Variants in COMMD1 observed in about 807,000 individuals in gnomAD.
COMMD1 encodes COMM domain-containing protein 1.
COMMD1 carries 10 observed loss-of-function variants against 17.2 expected under a neutral mutation model. The ratio of observed to expected loss-of-function variants is 0.58; its 90% CI spans 0.36 to 0.99. COMMD1 has a LOEUF of 0.99. Among genes scored for constraint, COMMD1 ranks in the 50% least tolerant of loss-of-function variants. COMMD1 has a pLI of 0.01. For missense variants in COMMD1, 270 were observed against 231.8 expected (o/e 1.17, Z -1.07); for synonymous variants, 97 against 91.6 (o/e 1.06, Z -0.34).
intron 2 of COMMD1, among the ~76,000 whole-genome samples, chr2:62,085,868 C>T (rs534720975): frequency 6.6e-6 from 1 of 152,228 alleles, no homozygotes; most frequent in South Asian, 2.1e-4. Flanking sequence ...GTCCCAGCTA[C>T]TCAGGACGCT....
intron 2 of COMMD1, among the ~76,000 whole-genome samples, chr2:62,012,648 G>A (rs1669318475): frequency 1.3e-5 from 2 of 152,038 alleles, no homozygotes; most frequent in African/African-American, 4.8e-5. Flanking sequence ...CAAGTCCCTA[G>A]TGATTGCCAT....
At chr2:62,016,262 G>T (rs530359494) in intron 2 of COMMD1, among the ~76,000 whole-genome samples, 1 of 132,952 alleles carries the variant, frequency 7.5e-6, no homozygotes, top group Non-Finnish European at 1.5e-5. Flanking sequence ...AAGCTGGAGT[G>T]CAGTGGCACA....
At chr2:61,952,694 C>T (rs370796903) in intron 1 of COMMD1, among the ~76,000 whole-genome samples, 5 of 152,300 alleles carry the variant, frequency 3.3e-5, no homozygotes, top group African/African-American at 9.6e-5. Flanking sequence ...TCCAGTTTCC[C>T]TGTGTTGCTG....
At chr2:62,072,854 A>G (rs1051822585) in intron 2 of COMMD1, among the ~76,000 whole-genome samples, 2 of 152,212 alleles carry the variant, frequency 1.3e-5, no homozygotes, top group African/African-American at 4.8e-5. Context: ...CTGCCCTGCC[A>G]CAGCAGCCGG....
chr2:62,117,463 A>T (rs141904071), intron 2 of COMMD1, among the ~76,000 whole-genome samples: 470 of 152,374 alleles, frequency 3.1e-3, no homozygotes, highest in African/African-American at 0.011. Flanking sequence ...GTGAGTCAGG[A>T]TTGTGAAACA....
At chr2:62,008,538 G>A (rs1051313355) in intron 2 of COMMD1, among the ~76,000 whole-genome samples, 1 of 152,122 alleles carries the variant, frequency 6.6e-6, no homozygotes, top group Non-Finnish European at 1.5e-5. Flanking sequence ...AATAGCTACC[G>A]AGGGGAACAG....
chr2:61,939,928 T>C (rs1390719705), intron 1 of COMMD1, among the ~76,000 whole-genome samples: 1 of 152,172 alleles, frequency 6.6e-6, no homozygotes, highest in African/African-American at 2.4e-5. Flanking sequence ...CTTATGAGTA[T>C]TTCCTTCTTG....
intron 2 of COMMD1, among the ~76,000 whole-genome samples, chr2:62,116,934 G>T (rs1672622230): frequency 6.6e-6 from 1 of 151,198 alleles, no homozygotes; most frequent in Admixed American, 6.6e-5. Context: ...GGCGGAGGTT[G>T]TGGTGAGCCG....
At chr2:61,908,855 C>T (rs1669837257) in intron 1 of COMMD1, among the ~76,000 whole-genome samples, 1 of 152,200 alleles carries the variant, frequency 6.6e-6, no homozygotes, top group African/African-American at 2.4e-5. Flanking sequence ...GCGTGAGCCA[C>T]TGAGCCCTGC....
chr2:62,058,123 C>A (rs563226354), intron 2 of COMMD1, among the ~76,000 whole-genome samples: 3 of 152,096 alleles, frequency 2.0e-5, no homozygotes, highest in African/African-American at 7.2e-5. Context: ...TGAGACTTAC[C>A]TTCTGATTTA....
rs1673103403 is a variant in COMMD1 at position 62,133,558 on chromosome 2, A to G, written c.463-2273A>G. ...GCACACAAGCTTAACAGAAAAAAAA[A>G]AAAAAGAAAATCCAAAGAGGCAGTT... On this transcript the variant is annotated intron_variant, in intron 2 of 2. Transcript: ENST00000311832. Among the ~76,000 whole-genome samples, 7 of 152,302 alleles carry G rather than the reference A, an allele frequency of 4.6e-5. No homozygotes were observed. The South Asian group carries it at 1.4e-3, about 32-fold the overall frequency.
At chr2:61,969,554 A>T (rs936891103) in intron 1 of COMMD1, among the ~76,000 whole-genome samples, 1 of 152,264 alleles carries the variant, frequency 6.6e-6, no homozygotes, top group East Asian at 1.9e-4. Context: ...ACAAGTACAG[A>T]TTTGTTTTTG....
intron 2 of COMMD1, among the ~76,000 whole-genome samples, chr2:62,132,879 C>T (rs559316596): frequency 3.9e-5 from 6 of 152,084 alleles, no homozygotes; most frequent in Non-Finnish European, 8.8e-5. Flanking sequence ...AACTAAAGCC[C>T]TCAATAAAAC....
intron 2 of COMMD1, among the ~76,000 whole-genome samples, chr2:62,121,465 G>A (rs543497046): frequency 3.3e-5 from 5 of 150,718 alleles, no homozygotes; most frequent in South Asian, 2.1e-4. Context: ...AGGACTGGGC[G>A]TGTTGCCTCA....
intron 1 of COMMD1, among the ~76,000 whole-genome samples, chr2:61,976,823 G>A (rs1319355419): frequency 6.6e-6 from 1 of 151,930 alleles, no homozygotes; most frequent in Non-Finnish European, 1.5e-5. Context: ...GTACCACAGT[G>A]ATGTGGGATT....
intron 2 of COMMD1, among the ~76,000 whole-genome samples, chr2:62,126,910 T>G (rs1437370498): frequency 6.6e-6 from 1 of 152,168 alleles, no homozygotes; most frequent in Non-Finnish European, 1.5e-5. Flanking sequence ...AATAAAGGTA[T>G]TCAAATAGGA....
chr2:61,906,310 A>G (rs1443971903), intron 1 of COMMD1, among the ~76,000 whole-genome samples: 2 of 152,230 alleles, frequency 1.3e-5, no homozygotes, highest in Non-Finnish European at 2.9e-5. Context: ...TGCGTGGTTA[A>G]AAGAGCATAA....
intron 2 of COMMD1, among the ~76,000 whole-genome samples, chr2:62,019,783 A>G (rs1305524636): frequency 2.0e-5 from 3 of 151,984 alleles, no homozygotes; most frequent in South Asian, 2.1e-4. Context: ...AAAAGTTACT[A>G]TTTTTCTCTC....
intron 2 of COMMD1, among the ~76,000 whole-genome samples, chr2:62,014,674 G>C (rs1669385374): frequency 1.4e-5 from 2 of 140,170 alleles, no homozygotes; most frequent in African/African-American, 5.2e-5. Context: ...CGATTCTTCT[G>C]TCTCAGCCTC....
Sources: gnomAD v4.1 joint callset for allele counts (sites outside exome capture counted in the v4.1 genomes callset) on GRCh38, gnomAD v4.1.1 for gene constraint, MANE v1.5 for transcripts, NCBI Gene and HGNC (gene_info 2026-07-23, HGNC 2026-07-21) for gene names.